Variants in GRM1 observed in about 807,000 individuals in gnomAD.
GRM1 encodes metabotropic glutamate receptor 1.
Under a neutral mutation model 90.9 loss-of-function variants are expected in GRM1, and 33 were observed. The observed-to-expected ratio is 0.36, with a 90% CI of 0.28 to 0.49. GRM1 has a LOEUF of 0.49. Among genes scored for constraint, GRM1 ranks in the 20% least tolerant of loss-of-function variants. GRM1 has a pLI of 0.99. For synonymous variants in GRM1, 700 were observed against 613.2 expected (o/e 1.14, Z -2.09); for missense variants, 1,190 against 1,534.3 (o/e 0.78, Z 3.75).
intron 1 of GRM1, among the ~76,000 whole-genome samples, chr6:146,155,647 C>G (rs925743873): frequency 6.6e-6 from 1 of 152,050 alleles, no homozygotes; most frequent in African/African-American, 2.4e-5. Flanking sequence ...ATAAGATCAC[C>G]CAGTAGCAGA....
intron 1 of GRM1, among the ~76,000 whole-genome samples, chr6:146,126,947 A>G (rs1341557516): frequency 6.6e-6 from 1 of 152,160 alleles, no homozygotes; most frequent in Non-Finnish European, 1.5e-5. Context: ...TATGATTTGG[A>G]GAGCCTTTTA....
At chr6:146,403,586 ATT>A (rs1777230584) in intron 7 of GRM1, among the ~76,000 whole-genome samples, 1 of 152,064 alleles carries the variant, frequency 6.6e-6, no homozygotes, top group Non-Finnish European at 1.5e-5. Context: ...CTCAGAGGAA[ATT>A]TTCCACTTTG....
chr6:146,068,676 C>A (rs1472498421), intron 1 of GRM1, among the ~76,000 whole-genome samples: 7 of 152,108 alleles, frequency 4.6e-5, no homozygotes, highest in Non-Finnish European at 8.8e-5. Flanking sequence ...ACAGCCCATC[C>A]AGTTGAGAGT....
At chr6:146,071,128 C>T (rs1329474256) in intron 1 of GRM1, among the ~76,000 whole-genome samples, 3 of 152,096 alleles carry the variant, frequency 2.0e-5, no homozygotes, top group Non-Finnish European at 2.9e-5. Flanking sequence ...TTTATTATTA[C>T]ATTGACAGGA....
Position 146,059,597 on chromosome 6 carries a change from A to T in GRM1, c.700+29380A>T, listed in dbSNP as rs189361758. ...AACAAAGAAATCAGCCTGTCCTTTG[A>T]AGCTTTGGAGCTAGCATCGACTTCT... is the stretch of plus-strand genomic sequence containing the variant. On this transcript the variant is annotated intron_variant, in intron 1 of 7. Transcript: ENST00000282753. 1.1e-4 allele frequency among the ~76,000 whole-genome samples: 17 copies of T among 152,246 alleles called. No homozygotes were observed. In the East Asian group the frequency reaches 2.9e-3, roughly 26 times the overall value.
intron 2 of GRM1, among the ~76,000 whole-genome samples, chr6:146,232,537 A>G (rs993421812): frequency 2.0e-5 from 3 of 152,038 alleles, no homozygotes; most frequent in Admixed American, 2.0e-4. Flanking sequence ...AAACAATCCA[A>G]TTATGCTCTT....
At position 146,128,789 on chromosome 6, in the gene GRM1, T is replaced by A. The variant is rs77222968; in HGVS notation, c.701-30559T>A. ...GTTTCCAGAGGTAAACTTCTGAGAA[T>A]CTTTCGTTTTAAAAGAATTGTCTAT... On this transcript the variant is annotated intron_variant, in intron 1 of 7. Coordinates refer to ENST00000282753, the MANE Select transcript of GRM1 (RefSeq NM_001278064.2). Among the ~76,000 whole-genome samples, 850 of 152,220 alleles carry A rather than the reference T, an allele frequency of 5.6e-3. 5 individuals are homozygous for A. The highest frequency in any genetic ancestry group is 0.02 in the African/African-American group (824 of 41,542).
chr6:146,400,457 T>C (rs1777118206), intron 7 of GRM1, among the ~76,000 whole-genome samples: 1 of 152,184 alleles, frequency 6.6e-6, no homozygotes, highest in Non-Finnish European at 1.5e-5. Flanking sequence ...CTTGAGACTT[T>C]GTGTGAACAT....
intron 7 of GRM1, among the ~76,000 whole-genome samples, chr6:146,421,882 A>G (rs961233876): frequency 2.0e-5 from 3 of 152,200 alleles, no homozygotes; most frequent in Non-Finnish European, 4.4e-5. Flanking sequence ...CCATTCCTAT[A>G]AACAAATGCT....
intron 5 of GRM1, among the ~76,000 whole-genome samples, chr6:146,383,980 A>C (rs1287597524): frequency 6.6e-6 from 1 of 152,110 alleles, no homozygotes; most frequent in African/African-American, 2.4e-5. Flanking sequence ...AGGGAAACAA[A>C]CAAGGTGAAC....
At chr6:146,108,214 A>G (rs1775402344) in intron 1 of GRM1, among the ~76,000 whole-genome samples, 1 of 152,164 alleles carries the variant, frequency 6.6e-6, no homozygotes, top group African/African-American at 2.4e-5. Context: ...TTCAGAACAC[A>G]GTGTTCTTCC....
intron 1 of GRM1, among the ~76,000 whole-genome samples, chr6:146,063,627 T>G (rs982984754): frequency 6.6e-6 from 1 of 152,204 alleles, no homozygotes; most frequent in Non-Finnish European, 1.5e-5. Flanking sequence ...ATTGTGATTT[T>G]TTTTTCCTTA....
intron 1 of GRM1, among the ~76,000 whole-genome samples, chr6:146,119,276 T>G (rs983158799): frequency 2.6e-5 from 4 of 152,204 alleles, no homozygotes; most frequent in Non-Finnish European, 1.5e-5. Flanking sequence ...TTGCCCACTT[T>G]TTGATGGGGT....
chr6:146,091,634 T>C (rs990030826), intron 1 of GRM1, among the ~76,000 whole-genome samples: 4 of 151,896 alleles, frequency 2.6e-5, no homozygotes, highest in Admixed American at 6.6e-5. Context: ...AAGTTTTGAG[T>C]AAGGAAATCA....
intron 2 of GRM1, among the ~76,000 whole-genome samples, chr6:146,160,761 C>T (rs1777695579): frequency 6.6e-6 from 1 of 152,036 alleles, no homozygotes; most frequent in African/African-American, 2.4e-5. Flanking sequence ...ACTTGAGGGA[C>T]TTTTTAAAAG....
intron 3 of GRM1, among the ~76,000 whole-genome samples, chr6:146,325,428 T>C (rs925701928): frequency 5.9e-5 from 9 of 152,232 alleles, no homozygotes; most frequent in African/African-American, 1.2e-4. Flanking sequence ...AGAACAAGCA[T>C]GTACAAGTTA....
At chr6:146,044,985 T>G (rs1046612472) in intron 1 of GRM1, among the ~76,000 whole-genome samples, 2 of 151,910 alleles carry the variant, frequency 1.3e-5, no homozygotes, top group Non-Finnish European at 2.9e-5. Flanking sequence ...AGCGTCTGTC[T>G]CTACAGGCTC....
At chr6:146,280,099 C>T (rs1049004549) in intron 2 of GRM1, among the ~76,000 whole-genome samples, 2 of 152,026 alleles carry the variant, frequency 1.3e-5, no homozygotes, top group Non-Finnish European at 2.9e-5. Context: ...TCTAATTGCT[C>T]TCATCTTCTT....
At chr6:146,324,696 C>T (rs148301081) in intron 3 of GRM1, among the ~76,000 whole-genome samples, 196 of 152,150 alleles carry the variant, frequency 1.3e-3, no homozygotes, top group Non-Finnish European at 1.6e-3. Context: ...TGACCCTTTG[C>T]GCTTCCCAGG....
Sources: gnomAD v4.1 joint callset for allele counts (sites outside exome capture counted in the v4.1 genomes callset) on GRCh38, gnomAD v4.1.1 for gene constraint, MANE v1.5 for transcripts, NCBI Gene and HGNC (gene_info 2026-07-23, HGNC 2026-07-21) for gene names.